Variants in GALNT16 observed in about 807,000 individuals in gnomAD.
GALNT16 encodes the protein polypeptide N-acetylgalactosaminyltransferase 16.
A neutral mutation model predicts 76.1 loss-of-function variants in GALNT16; 40 were observed. The observed-to-expected ratio is 0.53, with a 90% CI of 0.41 to 0.68. The LOEUF is 0.68. Among genes scored for constraint, GALNT16 ranks in the 30% least tolerant of loss-of-function variants. GALNT16 has a pLI of 0.00. For synonymous variants in GALNT16, 276 were observed against 285.2 expected, an observed-to-expected ratio of 0.97 and a Z score of 0.32; for missense variants, 621 against 731.9, an observed-to-expected ratio of 0.85 and a Z score of 1.75.
chr14:69,358,021 G>A (rs2045703932), downstream of GALNT16: 1 of 152,470 alleles, frequency 6.6e-6, no homozygotes, highest in Admixed American at 6.5e-5. Flanking sequence ...GGGGAAAGAA[G>A]GCTACCCTTG....
At chr14:69,289,923 G>A (rs1285944694) in intron 1 of GALNT16, among the ~76,000 whole-genome samples, 2 of 151,884 alleles carry the variant, frequency 1.3e-5, no homozygotes, top group African/African-American at 2.4e-5. Context: ...TTTTTTAATA[G>A]AGACAGGGTT....
chr14:69,366,196 A>C, the GALNT16 span, among the ~76,000 whole-genome samples: 2 of 152,234 alleles, frequency 1.3e-5, no homozygotes, highest in East Asian at 3.8e-4. Context: ...TGAATGAATG[A>C]GCAGCATGGG....
chr14:69,286,479 T>G, intron 1 of GALNT16, among the ~76,000 whole-genome samples: 1 of 152,042 alleles, frequency 6.6e-6, no homozygotes, highest in East Asian at 1.9e-4. Context: ...AATTTTTGTA[T>G]TTTTAGTAGA....
chr14:69,333,633 A>T lies in GALNT16; in HGVS notation c.967+33A>T. 1 of 1,112,058 alleles carries T rather than the reference A, an allele frequency of 9.0e-7. No homozygotes were observed. The highest frequency in any genetic ancestry group is 2.3e-5 in the East Asian group (1 of 42,726). 68.9% of individuals were successfully genotyped at this position (1,112,058 alleles called of 1,614,324 possible). A position where few individuals can be genotyped will look rare whatever the true frequency, so the allele number is the denominator to read the frequency against. ...GGGAAATAGTGACAGTGAAAATAAC[A>T]GTAGCAGTAATAACCACAGTTAACC... On this transcript the variant is annotated intron_variant, in intron 9 of 14. Coordinates refer to ENST00000448469, the MANE Select transcript of GALNT16 (RefSeq NM_001168368.2). The surrounding 1 kb of genome is among the most constrained non-coding windows in gnomAD (Gnocchi z 4.2).
At chr14:69,343,739 G>C (rs1056194872) in intron 12 of GALNT16, among the ~76,000 whole-genome samples, 15 of 152,154 alleles carry the variant, frequency 9.9e-5, no homozygotes, top group South Asian at 2.1e-4. Context: ...GGAAGAGTGG[G>C]GGAGGCCTGG....
Position 69,352,900 on chromosome 14 carries a change from G to C in GALNT16, c.*732G>C, listed in dbSNP as rs1411313800. 6.6e-6 allele frequency among the ~76,000 whole-genome samples: 1 copy of C among 152,218 alleles called. No homozygotes were observed. The highest frequency in any genetic ancestry group is 1.9e-4 in the East Asian group (1 of 5,200). ...TCTGAGCCCGACGCTGCCTCTTCCG[G>C]TCCTGTGCCTGTGGGTGCCCACATT... On this transcript the variant is annotated 3_prime_UTR_variant, in exon 15 of 15. Transcript: ENST00000448469.
chr14:69,365,126 T>C, the GALNT16 span, among the ~76,000 whole-genome samples: 4 of 152,178 alleles, frequency 2.6e-5, no homozygotes, highest in Admixed American at 1.3e-4. Context: ...GGCAATTCTA[T>C]TAAAATTATT....
At chr14:69,382,581 C>A in the GALNT16 span, among the ~76,000 whole-genome samples, 1 of 152,120 alleles carries the variant, frequency 6.6e-6, no homozygotes, top group African/African-American at 2.4e-5. Flanking sequence ...TGCCTGTAAT[C>A]CCAGCACTTT....
intron 5 of GALNT16, among the ~76,000 whole-genome samples, chr14:69,326,935 C>T (rs2045293873): frequency 6.6e-6 from 1 of 152,160 alleles, no homozygotes; most frequent in African/African-American, 2.4e-5. Context: ...TCCCTTCCTG[C>T]GAGACCCCAG....
At chr14:69,374,938 C>T in the GALNT16 span, among the ~76,000 whole-genome samples, 1 of 152,168 alleles carries the variant, frequency 6.6e-6, no homozygotes, top group Non-Finnish European at 1.5e-5. Flanking sequence ...TAACTCACTC[C>T]TGCGGAAATG....
chr14:69,320,876 C>A lies in GALNT16; in HGVS notation c.335+8C>A. 6.2e-7 allele frequency: 1 copy of A among 1,612,250 alleles called. No homozygotes were observed. Among genetic ancestry groups the A allele is most frequent in the Non-Finnish European group, 8.5e-7 (1 of 1,179,096 alleles). ...GGACACCCGCCATTACAGGTACGGC[C>A]TCCATCGTGTCAGTGGAGGAAGAAA... On this transcript the variant is annotated splice_region_variant and intron_variant, in intron 2 of 14. Transcript: ENST00000448469.
At position 69,325,942 on chromosome 14, in the gene GALNT16, C is replaced by T. The variant is rs1447296639; in HGVS notation, c.503-20C>T. 7 of 1,609,478 alleles carry T rather than the reference C, an allele frequency of 4.3e-6. No homozygotes were observed. The highest frequency in any genetic ancestry group is 6.0e-6 in the Non-Finnish European group (7 of 1,175,756). On this transcript the variant is annotated intron_variant, in intron 4 of 14. Coordinates refer to ENST00000448469, the MANE Select transcript of GALNT16 (RefSeq NM_001168368.2). The stretch of plus-strand genomic sequence containing the variant: ...GATGCCCATGTCTAAATGAGCTTGC[C>T]TTCCTCTTTGCATCCTCAGCGGAAG...
intron 14 of GALNT16, chr14:69,348,871 G>A (rs1053655226): frequency 6.6e-6 from 1 of 152,450 alleles, no homozygotes; most frequent in Non-Finnish European, 1.5e-5. Flanking sequence ...AGGCCCAGAG[G>A]CTGCTCCAGC....
chr14:69,303,022 G>C (rs937759820), intron 1 of GALNT16, among the ~76,000 whole-genome samples: 14 of 152,100 alleles, frequency 9.2e-5, no homozygotes, highest in Admixed American at 7.2e-4. Context: ...ATCTTACTAA[G>C]AAATATTAAG....
chr14:69,312,758 C>G (rs1162921437), intron 1 of GALNT16, among the ~76,000 whole-genome samples: 1 of 152,230 alleles, frequency 6.6e-6, no homozygotes, highest in Non-Finnish European at 1.5e-5. Context: ...GAGCCACGAG[C>G]TGATGCCCTG....
At chr14:69,273,574 C>G (rs1041726153) in intron 1 of GALNT16, among the ~76,000 whole-genome samples, 1 of 152,198 alleles carries the variant, frequency 6.6e-6, no homozygotes, top group African/African-American at 2.4e-5. Context: ...TTTTTCTCCA[C>G]TTTAGAGATC....
chr14:69,361,098 G>T (rs1594877862), downstream of GALNT16, among the ~76,000 whole-genome samples: 1 of 152,190 alleles, frequency 6.6e-6, no homozygotes, highest in Non-Finnish European at 1.5e-5. Flanking sequence ...ACATATGGTT[G>T]ACTTCATTCT....
intron 13 of GALNT16, 52 bp downstream of exon 13, chr14:69,347,233 A>G: frequency 1.3e-6 from 2 of 1,511,196 alleles, no homozygotes; most frequent in Non-Finnish European, 1.8e-6. Context: ...GGCATTGTCC[A>G]GGAGTGGGGT....
intron 1 of GALNT16, among the ~76,000 whole-genome samples, chr14:69,297,869 G>T (rs2044790102): frequency 6.6e-6 from 1 of 152,124 alleles, no homozygotes; most frequent in Admixed American, 6.5e-5. Context: ...GACTTACTGA[G>T]AGCTTGTTAT....
Sources: gnomAD v4.1 joint callset for allele counts (sites outside exome capture counted in the v4.1 genomes callset) on GRCh38, gnomAD v4.1.1 for gene constraint, Gnocchi (gnomAD v3.1) non-coding constraint, MANE v1.5 for transcripts, NCBI Gene and HGNC (gene_info 2026-07-23, HGNC 2026-07-21) for gene names.